HEG1: variants seen among roughly 807,000 people sequenced by gnomAD.
The protein encoded by HEG1 is heart development protein with EGF like domains 1, also known as protein HEG homolog 1.
A neutral mutation model predicts 125.6 loss-of-function variants in HEG1; 56 were observed. That is an observed-to-expected ratio of 0.45 (90% CI 0.36 to 0.56). The LOEUF (loss-of-function observed/expected upper bound fraction) is 0.56. HEG1 is among the 20% of genes least tolerant of loss of function. The pLI is 0.00. For missense variants in HEG1, 1,523 were observed against 1,670.0 expected (o/e 0.91, Z 1.53); for synonymous variants, 644 against 668.5 (o/e 0.96, Z 0.57).
chr3:124,970,937 T>C (rs1038003479), intron 16 of HEG1, 136 bp from the exon 17 acceptor site: 27 of 751,324 alleles, frequency 3.6e-5, no homozygotes, highest in Non-Finnish European at 5.2e-5. Flanking sequence ...CTACCAATTA[T>C]TTCTAATTTT....
intron 11 of HEG1, among the ~76,000 whole-genome samples, chr3:125,001,038 A>G (rs1439284807): frequency 2.0e-5 from 3 of 152,318 alleles, no homozygotes; most frequent in African/African-American, 7.2e-5. Flanking sequence ...CTTGTCTCCA[A>G]TCCCTTTCTT....
chr3:124,994,006 C>T (rs1346361496), intron 12 of HEG1, among the ~76,000 whole-genome samples: 1 of 152,196 alleles, frequency 6.6e-6, no homozygotes, highest in Non-Finnish European at 1.5e-5. Flanking sequence ...CCCAGCTTCT[C>T]ATCTCACTCA....
chr3:125,053,549 A>G (rs143752761), intron 1 of HEG1, among the ~76,000 whole-genome samples: 1,615 of 152,146 alleles, frequency 0.011, 18 homozygotes, highest in Middle Eastern at 0.031. Context: ...AAGAGGAGGC[A>G]CTCCTTGGGT....
At chr3:125,020,066 A>C (rs779393895) in intron 4 of HEG1, among the ~76,000 whole-genome samples, 2 of 152,260 alleles carry the variant, frequency 1.3e-5, no homozygotes, top group Non-Finnish European at 2.9e-5. Context: ...GAATTTGGGA[A>C]TAATATTTAT....
At chr3:125,022,186 A>ATG in intron 3 of HEG1, among the ~76,000 whole-genome samples, 1 of 152,250 alleles carries the variant, frequency 6.6e-6, no homozygotes, top group East Asian at 1.9e-4. Context: ...ATGGTGGGTA[A>ATG]GACTAAAGTC....
chr3:124,987,974 T>TAC (rs1553776042), intron 14 of HEG1, among the ~76,000 whole-genome samples: 11 of 120,040 alleles, frequency 9.2e-5, no homozygotes, highest in Non-Finnish European at 1.7e-4. Flanking sequence ...TATATATATA[T>TAC]ACCATGTAGT....
chr3:125,002,345 A>G, intron 9 of HEG1, 30 bp from the exon 10 acceptor site: 1 of 1,591,740 alleles, frequency 6.3e-7, no homozygotes, highest in South Asian at 1.1e-5. Flanking sequence ...TGTCGTTAAC[A>G]GTGAGTTAGA....
chr3:125,009,736 C>G lies in HEG1; in HGVS notation c.3162G>C (p.Gly1054=). 1 of 1,613,384 alleles carries G rather than the reference C, an allele frequency of 6.2e-7. No individual in the cohort carries two copies. The highest frequency in any genetic ancestry group is 8.5e-7 in the Non-Finnish European group (1 of 1,179,460). Residue 1054 remains glycine (G), a synonymous_variant, in exon 8 of 17, where the codon GGG becomes GGC. Transcript: ENST00000311127. ...TGCATATCCCTTTTTCCAACTGGTA[C>G]CCAACCGGGCATTTGCAGATAAAGG... ...QGSFICKCPV[G]YQLEKGICNL...
At chr3:124,976,776 G>T (rs1462374666) in intron 15 of HEG1, among the ~76,000 whole-genome samples, 1 of 152,100 alleles carries the variant, frequency 6.6e-6, no homozygotes, top group South Asian at 2.1e-4. Flanking sequence ...AAAAGAGCCT[G>T]ATACCTCTCC....
At chr3:124,978,588 GT>G (rs973997410) in intron 14 of HEG1, among the ~76,000 whole-genome samples, 1 of 152,030 alleles carries the variant, frequency 6.6e-6, no homozygotes, top group Admixed American at 6.5e-5. Flanking sequence ...AACTTAATTT[GT>G]TCCTCTTTGA....
At chr3:125,020,531 C>G (rs1006016883) in intron 4 of HEG1, among the ~76,000 whole-genome samples, 6 of 152,170 alleles carry the variant, frequency 3.9e-5, no homozygotes, top group Non-Finnish European at 7.3e-5. Flanking sequence ...GGTCTCAACT[C>G]TACTGAGTGA....
chr3:124,977,866 A>C lies in HEG1; in HGVS notation c.3814T>G (p.Cys1272Gly). Reference sequence around the variant, plus strand: ...TGAACTCTCATCACTTACCTGCAACAGGTAACAATCAGTGCGATGCCTAGG... The same window carrying C: ...TGAACTCTCATCACTTACCTGCAACCGGTAACAATCAGTGCGATGCCTAGG... Reference protein sequence around the residue: ...LILGIALIVTCCRKNKNDISK... With the variant: ...LILGIALIVTGCRKNKNDISK... The change falls in exon 15 of 17, where the codon TGT (cysteine) becomes GGT (glycine). Residue 1272 changes from cysteine to glycine, a missense_variant. Physicochemically the swap from Cys to Gly is radical, Grantham distance 159 (BLOSUM62 -3). Coordinates refer to ENST00000311127, the MANE Select transcript of HEG1 (RefSeq NM_020733.2). 6.4e-7 allele frequency: 1 copy of C among 1,566,862 alleles called. No homozygotes were observed. Among genetic ancestry groups the C allele is most frequent in the Non-Finnish European group, 8.7e-7 (1 of 1,155,082 alleles).
At chr3:124,986,299 T>C (rs891578995) in intron 14 of HEG1, among the ~76,000 whole-genome samples, 3 of 152,148 alleles carry the variant, frequency 2.0e-5, no homozygotes, top group Admixed American at 6.5e-5. Context: ...ATTTCTTGCC[T>C]ACGAAAAATC....
At chr3:125,018,864 C>CTT (rs755310479) in intron 5 of HEG1, among the ~76,000 whole-genome samples, 89 of 119,550 alleles carry the variant, frequency 7.4e-4, no homozygotes, top group African/African-American at 1.3e-3. Flanking sequence ...TTCATGCATG[C>CTT]TTTTTTTTTT....
intron 10 of HEG1, 26 bp downstream of exon 10, chr3:125,002,231 C>T (rs764778715): frequency 1.9e-6 from 3 of 1,604,098 alleles, no homozygotes; most frequent in East Asian, 4.5e-5. Flanking sequence ...GACTAGTTCA[C>T]AAGCAAATAT....
At chr3:125,034,375 G>C (rs1272278572) in intron 1 of HEG1, among the ~76,000 whole-genome samples, 1 of 152,062 alleles carries the variant, frequency 6.6e-6, no homozygotes, top group Non-Finnish European at 1.5e-5. Flanking sequence ...TTTTTAAAAA[G>C]AGACTATAAA....
chr3:125,021,949 G>C (rs1359642962), intron 3 of HEG1, among the ~76,000 whole-genome samples: 5 of 152,204 alleles, frequency 3.3e-5, no homozygotes, highest in Non-Finnish European at 7.3e-5. Flanking sequence ...AGGAGCATTT[G>C]CTCTAATAGA....
intron 5 of HEG1, among the ~76,000 whole-genome samples, chr3:125,017,444 T>C (rs1937268212): frequency 6.6e-6 from 1 of 152,166 alleles, no homozygotes; most frequent in Non-Finnish European, 1.5e-5. Context: ...AAAGAAGATA[T>C]ACAAGTGGCC....
rs1937458115 is a variant in HEG1 at position 125,029,144 on chromosome 3, T to C, written c.610+51A>G. ...GTGGGGAATGGCAGAAACTTTGTTTTCCAGGACTGGACACACATGCGTGAA... is the reference window on the plus strand; with the variant it reads ...GTGGGGAATGGCAGAAACTTTGTTTCCCAGGACTGGACACACATGCGTGAA... On this transcript the variant is annotated intron_variant, in intron 2 of 16. Transcript: ENST00000311127. 2.6e-6 allele frequency: 4 copies of C among 1,556,086 alleles called. No homozygotes were observed. In the East Asian group the frequency reaches 9.2e-5, roughly 36 times the overall value.
Sources: gnomAD v4.1 joint callset for allele counts (sites outside exome capture counted in the v4.1 genomes callset) on GRCh38, gnomAD v4.1.1 for gene constraint, MANE v1.5 for transcripts, NCBI Gene and HGNC (gene_info 2026-07-23, HGNC 2026-07-21) for gene names.